Variants in GALNT13 observed in about 807,000 individuals in gnomAD.
GALNT13 encodes the protein polypeptide N-acetylgalactosaminyltransferase 13, also known as UDP-GalNAc:polypeptide N-acetylgalactosaminyltransferase 13.
A neutral mutation model predicts 64.2 loss-of-function variants in GALNT13; 28 were observed. The ratio of observed to expected loss-of-function variants is 0.44; its 90% CI spans 0.32 to 0.60. GALNT13 has a LOEUF of 0.60. Among genes scored for constraint, GALNT13 ranks in the 20% least tolerant of loss-of-function variants. GALNT13 has a pLI of 0.05. For synonymous variants in GALNT13, 214 were observed against 224.6 expected (o/e 0.95, Z 0.42); for missense variants, 577 against 669.8 (o/e 0.86, Z 1.53).
chr2:154,338,062 G>A (rs1443420994), intron 9 of GALNT13, among the ~76,000 whole-genome samples: 2 of 152,112 alleles, frequency 1.3e-5, no homozygotes, highest in East Asian at 3.9e-4. Flanking sequence ...GAGCAATGCT[G>A]TGTGCCCTGA....
At chr2:154,276,004 G>A (rs1691629701) in intron 8 of GALNT13, among the ~76,000 whole-genome samples, 1 of 152,120 alleles carries the variant, frequency 6.6e-6, no homozygotes, top group Admixed American at 6.5e-5. Flanking sequence ...CATTGGGCCT[G>A]TAGCTTCTTT....
chr2:154,334,393 A>G (rs1447745559), intron 9 of GALNT13, among the ~76,000 whole-genome samples: 2 of 144,066 alleles, frequency 1.4e-5, no homozygotes, highest in Non-Finnish European at 1.6e-5. Context: ...TATGAAATCA[A>G]TAGACAGCCT....
rs1294686962 is a variant in GALNT13 at position 154,166,871 on chromosome 2, G to C, written c.311+26366G>C. On this transcript the variant is annotated intron_variant, in intron 4 of 12. Transcript: ENST00000392825. Reference sequence around the variant, plus strand: ...AAACCATCATTCTGAGCAAACTATCGCAAGGACAGAAAACCAAACACCGCA... The same window carrying C: ...AAACCATCATTCTGAGCAAACTATCCCAAGGACAGAAAACCAAACACCGCA... Among the ~76,000 whole-genome samples, 2 of 151,940 alleles carry C rather than the reference G, an allele frequency of 1.3e-5. 1 individual carries two copies. Among genetic ancestry groups the C allele is most frequent in the East Asian group, 3.9e-4 (2 of 5,166 alleles).
At chr2:153,455,858 T>C in the GALNT13 span, among the ~76,000 whole-genome samples, 2 of 152,166 alleles carry the variant, frequency 1.3e-5, no homozygotes, top group Admixed American at 1.3e-4. Flanking sequence ...ATAAAAAAAA[T>C]GAGGTAGCAC....
At chr2:154,154,210 T>G (rs1684260751) in intron 4 of GALNT13, among the ~76,000 whole-genome samples, 2 of 152,144 alleles carry the variant, frequency 1.3e-5, no homozygotes, top group South Asian at 4.1e-4. Context: ...AATCTGATAG[T>G]TTTTTCCAAA....
chr2:153,419,227 A>C, the GALNT13 span, among the ~76,000 whole-genome samples: 2 of 152,168 alleles, frequency 1.3e-5, no homozygotes, highest in East Asian at 1.9e-4. Flanking sequence ...GCCGAGCAAA[A>C]GGGGCTTATA....
At chr2:154,025,209 T>A (rs1276907748) in intron 3 of GALNT13, among the ~76,000 whole-genome samples, 1 of 152,126 alleles carries the variant, frequency 6.6e-6, no homozygotes, top group Non-Finnish European at 1.5e-5. Flanking sequence ...AACTACTACT[T>A]TCTTCCAAGC....
chr2:153,094,570 G>C, the GALNT13 span, among the ~76,000 whole-genome samples: 4 of 152,096 alleles, frequency 2.6e-5, no homozygotes, highest in Non-Finnish European at 4.4e-5. Context: ...AAAAGAGCCC[G>C]CATTGCCAAG....
At chr2:153,606,874 T>C in the GALNT13 span, among the ~76,000 whole-genome samples, 1 of 151,896 alleles carries the variant, frequency 6.6e-6, no homozygotes, top group African/African-American at 2.4e-5. Context: ...GGTTTTTTTT[T>C]TTTTTTTTCG....
At chr2:153,687,328 T>C in the GALNT13 span, among the ~76,000 whole-genome samples, 2 of 150,318 alleles carry the variant, frequency 1.3e-5, no homozygotes, top group African/African-American at 4.8e-5. Context: ...AGCTCGTTAT[T>C]GGTCTGTTCA....
the GALNT13 span, among the ~76,000 whole-genome samples, chr2:153,250,835 A>G: frequency 6.6e-6 from 1 of 151,970 alleles, no homozygotes; most frequent in Non-Finnish European, 1.5e-5. Flanking sequence ...ATGAAAACGC[A>G]TGGACATAGG....
At chr2:153,398,235 C>G in the GALNT13 span, among the ~76,000 whole-genome samples, 8 of 152,206 alleles carry the variant, frequency 5.3e-5, no homozygotes, top group Middle Eastern at 3.4e-3. Context: ...ACCCATGTCC[C>G]TACAAAGGAC....
At chr2:153,940,429 A>G (rs958530288) in intron 2 of GALNT13, among the ~76,000 whole-genome samples, 2 of 151,376 alleles carry the variant, frequency 1.3e-5, no homozygotes, top group African/African-American at 4.9e-5. Context: ...AGCTAATTTT[A>G]CATTTTTAAT....
At chr2:154,343,478 T>G (rs1695888016) in intron 9 of GALNT13, among the ~76,000 whole-genome samples, 1 of 152,100 alleles carries the variant, frequency 6.6e-6, no homozygotes, top group Non-Finnish European at 1.5e-5. Context: ...TGTGATCTCA[T>G]AAGACTACTA....
the GALNT13 span, among the ~76,000 whole-genome samples, chr2:153,403,748 GC>G: frequency 6.6e-6 from 1 of 152,170 alleles, no homozygotes; most frequent in Non-Finnish European, 1.5e-5. Context: ...CTGACCCCTT[GC>G]GCTTCCCAAG....
At chr2:153,707,445 C>T in the GALNT13 span, among the ~76,000 whole-genome samples, 1 of 152,136 alleles carries the variant, frequency 6.6e-6, no homozygotes, top group African/African-American at 2.4e-5. Flanking sequence ...TTTTGATGCA[C>T]ACCTCCTCAG....
At chr2:153,195,511 T>C in the GALNT13 span, among the ~76,000 whole-genome samples, 11 of 152,164 alleles carry the variant, frequency 7.2e-5, no homozygotes, top group African/African-American at 2.4e-5. Context: ...GTACCAGGCA[T>C]ACTGCAAGCA....
the GALNT13 span, among the ~76,000 whole-genome samples, chr2:153,211,151 G>C: frequency 5.4e-5 from 8 of 147,624 alleles, no homozygotes; most frequent in South Asian, 1.3e-3. Flanking sequence ...TTTTGTTGTT[G>C]TTGTTGAGAC....
the GALNT13 span, among the ~76,000 whole-genome samples, chr2:153,329,821 T>C: frequency 6.6e-6 from 1 of 152,236 alleles, no homozygotes; most frequent in Non-Finnish European, 1.5e-5. Flanking sequence ...TTGCAATTGC[T>C]TTTGAGGACT....
Sources: gnomAD v4.1 joint callset for allele counts (sites outside exome capture counted in the v4.1 genomes callset) on GRCh38, gnomAD v4.1.1 for gene constraint, MANE v1.5 for transcripts, NCBI Gene and HGNC (gene_info 2026-07-23, HGNC 2026-07-21) for gene names.